Variants in RBFOX3 observed in about 807,000 individuals in gnomAD.
RBFOX3 encodes the protein RNA binding protein fox-1 homolog 3.
A neutral mutation model predicts 48.7 loss-of-function variants in RBFOX3; 17 were observed. That is an observed-to-expected ratio of 0.35 (90% CI 0.24 to 0.52). The LOEUF (loss-of-function observed/expected upper bound fraction) is 0.52, where lower values mean the gene tolerates loss of function less well. Ranked by LOEUF, RBFOX3 falls within the 20% of genes least tolerant of loss-of-function variation. The probability of loss-of-function intolerance (pLI) is 0.94; values close to 1 mark genes in which losing one functional copy is unlikely to be tolerated. For synonymous variants in RBFOX3, 212 were observed against 209.5 expected (o/e 1.01, Z -0.10); for missense variants, 382 against 497.5 (o/e 0.77, Z 2.21).
the RBFOX3 span, among the ~76,000 whole-genome samples, chr17:79,620,047 GCACATGCA>G: frequency 1.6e-5 from 2 of 121,744 alleles, no homozygotes; most frequent in Admixed American, 8.0e-5. Context: ...ATGCACACAC[GCACATGCA>G]CACATATGTA....
At chr17:79,415,526 G>GA (rs2065201082) in intron 2 of RBFOX3, among the ~76,000 whole-genome samples, 1 of 152,180 alleles carries the variant, frequency 6.6e-6, no homozygotes, top group Admixed American at 6.5e-5. Context: ...GGAGGAGAGA[G>GA]AAACTCCCTC....
chr17:79,241,489 G>A (rs1242281899), intron 3 of RBFOX3, among the ~76,000 whole-genome samples: 1 of 152,148 alleles, frequency 6.6e-6, no homozygotes. Flanking sequence ...GCCTGTCCTG[G>A]TGCCAGGGTT....
intron 4 of RBFOX3, among the ~76,000 whole-genome samples, chr17:79,119,890 A>G (rs572119433): frequency 2.6e-5 from 4 of 152,114 alleles, no homozygotes; most frequent in African/African-American, 9.7e-5. Flanking sequence ...CTTACAACCA[A>G]TGTTTCCCAG....
At chr17:79,155,128 T>TA (rs964327639) in intron 4 of RBFOX3, among the ~76,000 whole-genome samples, 4 of 152,210 alleles carry the variant, frequency 2.6e-5, no homozygotes, top group Admixed American at 6.5e-5. Context: ...AGCTCCCGCC[T>TA]AAGTACTATG....
At chr17:79,133,973 G>A (rs1440841466) in intron 4 of RBFOX3, among the ~76,000 whole-genome samples, 1 of 152,222 alleles carries the variant, frequency 6.6e-6, no homozygotes, top group Non-Finnish European at 1.5e-5. Context: ...ATTCATTAAG[G>A]AATATTAGCA....
chr17:79,228,551 C>T (rs2060606046), intron 4 of RBFOX3, among the ~76,000 whole-genome samples: 1 of 152,182 alleles, frequency 6.6e-6, no homozygotes, highest in African/African-American at 2.4e-5. Flanking sequence ...ACAAAACCAC[C>T]CAACTGGATA....
rs146575616 is a variant in RBFOX3, at chr17:79,109,009, T to C, written c.223-2221A>G. Reference sequence around the variant, plus strand: ...CACAGCGTGGGAACCGCTGTCCCGATGCTCACCTGGGCATGCGCTGCAGGA... The same window carrying C: ...CACAGCGTGGGAACCGCTGTCCCGACGCTCACCTGGGCATGCGCTGCAGGA... On this transcript the variant is annotated intron_variant, in intron 5 of 14. Coordinates refer to ENST00000693108, the MANE Select transcript of RBFOX3 (RefSeq NM_001350451.2). Among the ~76,000 whole-genome samples, 814 of 152,384 alleles carry C rather than the reference T, an allele frequency of 5.3e-3. 5 individuals carry two copies. The highest frequency in any genetic ancestry group is 9.1e-3 in the Non-Finnish European group (621 of 68,036).
chr17:79,632,693 C>T, the RBFOX3 span, among the ~76,000 whole-genome samples: 1 of 148,954 alleles, frequency 6.7e-6, no homozygotes, highest in African/African-American at 2.5e-5. Flanking sequence ...CCTTTGAGCC[C>T]AGGAGTCTGA....
rs2078971685 is a variant in RBFOX3 at position 79,482,923 on chromosome 17, A to C, written c.-319-325T>G. The stretch of plus-strand genomic sequence containing the variant: ...CCAATCCCAGGGACTCTTCCACCCC[A>C]CCACGCTGGCCCCTCCCCATCGCCT... On this transcript the variant is annotated intron_variant, in intron 1 of 14. Coordinates refer to ENST00000693108, the MANE Select transcript of RBFOX3 (RefSeq NM_001350451.2). The surrounding 1 kb of genome is among the most constrained non-coding windows in gnomAD (Gnocchi z 4.1). Among the ~76,000 whole-genome samples, 1 of 150,540 alleles carries C rather than the reference A, an allele frequency of 6.6e-6. No individual in the cohort carries two copies. The highest frequency in any genetic ancestry group is 2.5e-5 in the African/African-American group (1 of 40,620).
chr17:79,659,306 T>A, the RBFOX3 span, among the ~76,000 whole-genome samples: 1 of 151,978 alleles, frequency 6.6e-6, no homozygotes, highest in Non-Finnish European at 1.5e-5. Context: ...GAATAATAAA[T>A]GAAATAAACA....
chr17:79,375,358 G>GACACACACACACACACACACACACAC (rs534923135), intron 2 of RBFOX3, among the ~76,000 whole-genome samples: 1 of 136,186 alleles, frequency 7.3e-6, no homozygotes, highest in African/African-American at 2.7e-5. Context: ...GAAGACAGAA[G>GACACACACACACACACACACACACAC]ACACACACAC....
At chr17:79,360,148 G>A (rs145460837) in intron 2 of RBFOX3, among the ~76,000 whole-genome samples, 143 of 152,198 alleles carry the variant, frequency 9.4e-4, no homozygotes, top group Middle Eastern at 6.8e-3. Flanking sequence ...TAGCAAGCAT[G>A]CTGTGCTCAT....
intron 5 of RBFOX3, among the ~76,000 whole-genome samples, chr17:79,109,613 C>A (rs571665162): frequency 2.0e-5 from 3 of 151,966 alleles, no homozygotes; most frequent in East Asian, 1.9e-4. Flanking sequence ...GAGGTCTGAA[C>A]CCCACCCTCC....
At chr17:79,371,199 C>T (rs2058492371) in intron 2 of RBFOX3, among the ~76,000 whole-genome samples, 1 of 152,232 alleles carries the variant, frequency 6.6e-6, no homozygotes, top group African/African-American at 2.4e-5. Flanking sequence ...CAGTGGCGGC[C>T]CTGTTGCCTC....
intron 2 of RBFOX3, among the ~76,000 whole-genome samples, chr17:79,379,930 G>A (rs771432382): frequency 1.3e-5 from 2 of 152,062 alleles, no homozygotes; most frequent in East Asian, 1.9e-4. Flanking sequence ...CTCCTGCCGC[G>A]GCCTCTCCCG....
intron 2 of RBFOX3, among the ~76,000 whole-genome samples, chr17:79,465,583 A>C (rs1291736493): frequency 1.3e-5 from 2 of 152,138 alleles, no homozygotes; most frequent in African/African-American, 4.8e-5. Flanking sequence ...ATGCACAAAA[A>C]AAAAAAAAAT....
chr17:79,470,285 C>T (rs1301631489), intron 2 of RBFOX3, among the ~76,000 whole-genome samples: 4 of 152,146 alleles, frequency 2.6e-5, no homozygotes, highest in Admixed American at 1.3e-4. Context: ...ATCCTGGCCC[C>T]GGTGGCCAAA....
the RBFOX3 span, among the ~76,000 whole-genome samples, chr17:79,623,978 A>G: frequency 6.6e-6 from 1 of 152,176 alleles, no homozygotes; most frequent in African/African-American, 2.4e-5. Context: ...CAAGGAGCGC[A>G]AGCAGCCTCC....
rs1599427521 is a variant in RBFOX3, at chr17:79,102,572, G to A, written c.507+590C>T. On this transcript the variant is annotated intron_variant, in intron 8 of 14. Coordinates refer to ENST00000693108, the MANE Select transcript of RBFOX3 (RefSeq NM_001350451.2). ...CACTGGCACTCTGGACCCCTGGGGA[G>A]CAGGGAAGGAGGGGACAGAGCGGGA... 2.0e-5 allele frequency among the ~76,000 whole-genome samples: 3 copies of A among 152,352 alleles called. No individual in the cohort carries two copies. The East Asian group carries it at 5.8e-4, about 29-fold the overall frequency.
Sources: gnomAD v4.1 joint callset for allele counts (sites outside exome capture counted in the v4.1 genomes callset) on GRCh38, gnomAD v4.1.1 for gene constraint, Gnocchi (gnomAD v3.1) non-coding constraint, MANE v1.5 for transcripts, NCBI Gene and HGNC (gene_info 2026-07-23, HGNC 2026-07-21) for gene names.